The following FGD4 variants were observed in gnomAD, a reference collection of about 807,000 sequenced individuals.
FGD4 encodes the protein FYVE, RhoGEF and PH domain-containing protein 4.
In FGD4, 42 loss-of-function variants were observed where a neutral mutation model predicts 102.0. The ratio of observed to expected loss-of-function variants is 0.41; its 90% confidence interval spans 0.32 to 0.53. FGD4 has a LOEUF of 0.53. Among genes scored for constraint, FGD4 ranks in the 20% least tolerant of loss-of-function variants. The pLI is 0.21. For missense variants in FGD4, 902 were observed against 1,078.2 expected (o/e 0.84, Z 2.29); for synonymous variants, 380 against 375.7 (o/e 1.01, Z -0.13).
chr12:32,530,329 G>T (rs139577451), intron 1 of FGD4, among the ~76,000 whole-genome samples: 1 of 151,884 alleles, frequency 6.6e-6, no homozygotes, highest in Non-Finnish European at 1.5e-5. Context: ...CTAAAAAAAC[G>T]AAAATTAGCC....
intron 1 of FGD4, among the ~76,000 whole-genome samples, chr12:32,400,347 G>C (rs1265886866): frequency 6.6e-6 from 1 of 152,166 alleles, no homozygotes; most frequent in Admixed American, 6.5e-5. Context: ...TACGGTGAAG[G>C]GGAGGCTGGT....
intron 1 of FGD4, among the ~76,000 whole-genome samples, chr12:32,557,155 G>C (rs574300440): frequency 6.6e-6 from 1 of 152,292 alleles, no homozygotes; most frequent in East Asian, 1.9e-4. Context: ...GCCCAGCAGG[G>C]ATATGCTTTT....
At chr12:32,418,901 TGTGGTTAAG>T in intron 1 of FGD4, among the ~76,000 whole-genome samples, 1 of 152,324 alleles carries the variant, frequency 6.6e-6, no homozygotes, top group East Asian at 1.9e-4. Context: ...TTTGTTCTAC[TGTGGTTAAG>T]GTGGCACGTG....
At chr12:32,521,868 A>G (rs12303428) in intron 1 of FGD4, among the ~76,000 whole-genome samples, 5,067 of 152,206 alleles carry the variant, frequency 0.033, 264 homozygotes, top group African/African-American at 0.11. Flanking sequence ...ACTACTGATG[A>G]ACTGTTGTGT....
intron 1 of FGD4, among the ~76,000 whole-genome samples, chr12:32,517,808 C>A (rs1940052107): frequency 6.6e-6 from 1 of 152,076 alleles, no homozygotes; most frequent in African/African-American, 2.4e-5. Flanking sequence ...ATTGCTTGAG[C>A]CTGAAAGGTT....
intron 1 of FGD4, among the ~76,000 whole-genome samples, chr12:32,560,763 G>A (rs569744171): frequency 1.3e-5 from 2 of 151,742 alleles, no homozygotes; most frequent in African/African-American, 4.8e-5. Flanking sequence ...TGTGATTATA[G>A]CTCACTGCTT....
intron 1 of FGD4, among the ~76,000 whole-genome samples, chr12:32,483,813 A>G (rs78532340): frequency 0.05 from 7,653 of 152,294 alleles, 224 homozygotes; most frequent in Non-Finnish European, 0.074. Context: ...CTGGATGAGG[A>G]TGATGGCTGG....
At chr12:32,585,834 CAAAAAAAAAAA>C (rs58688697) in intron 4 of FGD4, among the ~76,000 whole-genome samples, 2 of 68,802 alleles carry the variant, frequency 2.9e-5, no homozygotes, top group African/African-American at 1.1e-4. Context: ...GACCTTGTCT[CAAAAAAAAAAA>C]AAAAAAAAAA....
rs563662941 is a variant in FGD4 at position 32,520,275 on chromosome 12, G to A, written c.167-43862G>A. The stretch of plus-strand genomic sequence containing the variant: ...TTTTACAATTTCTTTTTAAATAAAC[G>A]AATACAAGAGCTTTAAAGAGATTTT... On this transcript the variant is annotated intron_variant, in intron 1 of 16. Transcript: ENST00000534526. Among the ~76,000 whole-genome samples, 18 of 152,038 alleles carry A rather than the reference G, an allele frequency of 1.2e-4. No homozygotes were observed. The East Asian group carries it at 2.5e-3, about 21-fold the overall frequency.
chr12:32,468,264 ATTT>A (rs57001434), intron 1 of FGD4, among the ~76,000 whole-genome samples: 42 of 147,852 alleles, frequency 2.8e-4, no homozygotes, highest in East Asian at 6.0e-4. Context: ...TGAATGCTGT[ATTT>A]TTTTTTTTTT....
intron 1 of FGD4, among the ~76,000 whole-genome samples, chr12:32,404,019 G>C (rs1378510185): frequency 6.6e-6 from 1 of 151,918 alleles, no homozygotes; most frequent in Middle Eastern, 3.2e-3. Context: ...TCGGGTTCCT[G>C]GCAATGACTT....
intron 1 of FGD4, among the ~76,000 whole-genome samples, chr12:32,555,514 G>A (rs1043378225): frequency 2.6e-5 from 4 of 151,470 alleles, no homozygotes; most frequent in Admixed American, 2.6e-4. Context: ...AGTGGGAGAC[G>A]AGAACCAAGC....
intron 1 of FGD4, among the ~76,000 whole-genome samples, chr12:32,417,433 T>G (rs150636627): frequency 2.0e-5 from 3 of 152,084 alleles, no homozygotes; most frequent in Non-Finnish European, 4.4e-5. Context: ...AAGTGCTAGA[T>G]GTATTGGAGC....
In FGD4 at chr12:32,606,192, T is replaced by C. The variant is rs1948767462; in HGVS notation, c.1405-1765T>C. Among the ~76,000 whole-genome samples, 3 of 152,290 alleles carry C rather than the reference T, an allele frequency of 2.0e-5. No individual in the cohort carries two copies. In the South Asian group the frequency reaches 6.2e-4, roughly 32 times the overall value. ...GAGATATTTAAATTTATATAATTAA[T>C]ATCTTAAACTTTATTAAGGAAAGCT... On this transcript the variant is annotated intron_variant, in intron 7 of 16. Coordinates refer to ENST00000534526, the MANE Select transcript of FGD4 (RefSeq NM_001370298.3).
At chr12:32,494,626 T>G (rs1937678785) in intron 1 of FGD4, among the ~76,000 whole-genome samples, 1 of 152,216 alleles carries the variant, frequency 6.6e-6, no homozygotes, top group African/African-American at 2.4e-5. Flanking sequence ...TTGGATGTGA[T>G]GGAGGAGACA....
intron 1 of FGD4, among the ~76,000 whole-genome samples, chr12:32,539,668 G>A (rs1942641975): frequency 6.6e-6 from 1 of 151,300 alleles, no homozygotes; most frequent in African/African-American, 2.4e-5. Context: ...CTAGATAATT[G>A]GAAATTGACC....
chr12:32,471,667 T>C (rs986724369), intron 1 of FGD4, among the ~76,000 whole-genome samples: 2 of 152,150 alleles, frequency 1.3e-5, no homozygotes, highest in Admixed American at 6.6e-5. Flanking sequence ...GCTGTTCTTC[T>C]GGTTCATGTG....
intron 1 of FGD4, among the ~76,000 whole-genome samples, chr12:32,561,986 T>C (rs1944633853): frequency 6.6e-6 from 1 of 152,142 alleles, no homozygotes; most frequent in Non-Finnish European, 1.5e-5. Context: ...AGTAAGCTAG[T>C]GGGCGAGAGG....
intron 14 of FGD4, among the ~76,000 whole-genome samples, chr12:32,628,659 A>T (rs934946998): frequency 6.6e-6 from 1 of 152,112 alleles, no homozygotes; most frequent in Non-Finnish European, 1.5e-5. Flanking sequence ...TTAGCCGGGC[A>T]TGGTGGTGCA....
Sources: allele counts gnomAD v4.1 joint callset (sites outside exome capture counted in the v4.1 genomes callset), GRCh38; gene constraint gnomAD v4.1.1; transcripts MANE v1.5; gene names NCBI Gene and HGNC (gene_info 2026-07-23, HGNC 2026-07-21).